Variants in UBE2E3 observed in about 807,000 individuals in gnomAD.
UBE2E3 encodes ubiquitin-conjugating enzyme E2 E3.
Under a neutral mutation model 23.6 loss-of-function variants are expected in UBE2E3, and 5 were observed. That is an observed-to-expected ratio of 0.21 (90% CI 0.11 to 0.44). The LOEUF (loss-of-function observed/expected upper bound fraction) is 0.44, where lower values mean the gene tolerates loss of function less well. Ranked by LOEUF, UBE2E3 falls within the 20% of genes least tolerant of loss-of-function variation. The pLI is 0.99. For missense variants in UBE2E3, 81 were observed against 249.8 expected (o/e 0.32, Z 4.55); for synonymous variants, 78 against 87.5 (o/e 0.89, Z 0.60).
intron 3 of UBE2E3, chr2:180,990,035 A>G (rs1181044516): frequency 2.0e-5 from 30 of 1,464,448 alleles, no homozygotes; most frequent in Non-Finnish European, 2.6e-5. Flanking sequence ...TTTTTTCCAC[A>G]TACCAATTTT....
At chr2:181,030,307 GTATT>G (rs921376009) in intron 3 of UBE2E3, among the ~76,000 whole-genome samples, 11 of 151,586 alleles carry the variant, frequency 7.3e-5, no homozygotes, top group East Asian at 3.9e-4. Context: ...TTTTTCTTTT[GTATT>G]TATTTATTTA....
chr2:181,025,891 A>G (rs1412661964), intron 3 of UBE2E3, among the ~76,000 whole-genome samples: 2 of 152,106 alleles, frequency 1.3e-5, no homozygotes, highest in Admixed American at 6.6e-5. Flanking sequence ...TATGGAAACA[A>G]ATTTTCTAAA....
intron 3 of UBE2E3, chr2:180,990,144 C>G: frequency 1.4e-6 from 1 of 697,646 alleles, no homozygotes; most frequent in East Asian, 2.9e-5. Flanking sequence ...TGGTTCTCAA[C>G]TGAGGCAATT....
At chr2:181,031,760 C>T (rs998052467) in intron 3 of UBE2E3, among the ~76,000 whole-genome samples, 3 of 152,038 alleles carry the variant, frequency 2.0e-5, no homozygotes, top group African/African-American at 4.8e-5. Flanking sequence ...ATTTCTGTAT[C>T]CTTAGTGGTT....
At chr2:180,995,672 T>G (rs1412143929) in intron 3 of UBE2E3, among the ~76,000 whole-genome samples, 1 of 152,116 alleles carries the variant, frequency 6.6e-6, no homozygotes, top group Non-Finnish European at 1.5e-5. Context: ...TTAATATCTT[T>G]CTTCATCCTT....
intron 3 of UBE2E3, among the ~76,000 whole-genome samples, chr2:180,997,977 A>G (rs1336435085): frequency 6.6e-6 from 1 of 152,048 alleles, no homozygotes; most frequent in Non-Finnish European, 1.5e-5. Context: ...TGAACCGGGC[A>G]CTAGGACTGG....
rs1163828062 is a variant in UBE2E3, at chr2:180,989,886, A to G, written c.245+5793A>G. 3.2e-6 allele frequency: 5 copies of G among 1,544,416 alleles called. No homozygotes were observed. The South Asian group carries it at 6.0e-5, about 19-fold the overall frequency. On this transcript the variant is annotated intron_variant, in intron 3 of 5. Coordinates refer to ENST00000410062, the MANE Select transcript of UBE2E3 (RefSeq NM_006357.4). ...ATGGATATGTTTACTTTTCAGGAAA[A>G]TCAGCAAGTCTTGCATAGAGTGTAA...
At chr2:181,016,319 A>G (rs1039964960) in intron 3 of UBE2E3, among the ~76,000 whole-genome samples, 4 of 151,866 alleles carry the variant, frequency 2.6e-5, no homozygotes, top group Non-Finnish European at 5.9e-5. Context: ...GGTTCAAGCG[A>G]TCCTGCTTCC....
intron 3 of UBE2E3, among the ~76,000 whole-genome samples, chr2:181,016,220 A>G (rs914712892): frequency 1.3e-5 from 2 of 151,688 alleles, no homozygotes; most frequent in Non-Finnish European, 2.9e-5. Flanking sequence ...TACCTTCTTT[A>G]TACCTTTTTG....
At chr2:180,989,075 T>G (rs2105571954) in intron 3 of UBE2E3, among the ~76,000 whole-genome samples, 1 of 152,300 alleles carries the variant, frequency 6.6e-6, no homozygotes, top group Admixed American at 6.5e-5. Context: ...TGTTAATAAA[T>G]TCATTTTGGC....
At chr2:181,061,775 CTTT>C (rs58811030) in intron 5 of UBE2E3, among the ~76,000 whole-genome samples, 2 of 144,986 alleles carry the variant, frequency 1.4e-5, no homozygotes. Context: ...GTTATGTGAC[CTTT>C]TTTTTTTTTT....
intron 3 of UBE2E3, among the ~76,000 whole-genome samples, chr2:181,027,150 A>G (rs1446620716): frequency 2.0e-5 from 3 of 151,978 alleles, no homozygotes; most frequent in African/African-American, 7.2e-5. Flanking sequence ...TGTGGTCTAC[A>G]GCCATTTAAA....
chr2:181,021,872 AT>A (rs1403835540), intron 3 of UBE2E3, among the ~76,000 whole-genome samples: 1 of 151,934 alleles, frequency 6.6e-6, no homozygotes, highest in East Asian at 1.9e-4. Context: ...TTCTTAAGTG[AT>A]TTTTAAATGC....
intron 3 of UBE2E3, among the ~76,000 whole-genome samples, chr2:181,024,402 A>G (rs1319720571): frequency 6.6e-6 from 1 of 152,168 alleles, no homozygotes; most frequent in Non-Finnish European, 1.5e-5. Context: ...TCAAAAAGGA[A>G]GGAAAATTCA....
At chr2:181,011,536 C>T (rs947246802) in intron 3 of UBE2E3, among the ~76,000 whole-genome samples, 1 of 152,118 alleles carries the variant, frequency 6.6e-6, no homozygotes, top group Non-Finnish European at 1.5e-5. Context: ...AAGTCCAGTA[C>T]TCTTCCCAGT....
intron 3 of UBE2E3, among the ~76,000 whole-genome samples, chr2:181,041,208 A>T (rs1022043005): frequency 5.3e-4 from 71 of 133,274 alleles, no homozygotes; most frequent in African/African-American, 2.0e-3. Flanking sequence ...AGATCATGCC[A>T]CTAACGACAG....
chr2:181,031,965 T>C (rs1686092575), intron 3 of UBE2E3, among the ~76,000 whole-genome samples: 1 of 152,158 alleles, frequency 6.6e-6, no homozygotes, highest in Non-Finnish European at 1.5e-5. Context: ...ACAAATGCCA[T>C]TTTGGAAATG....
intron 3 of UBE2E3, among the ~76,000 whole-genome samples, chr2:181,054,998 T>C (rs1686948947): frequency 1.3e-5 from 2 of 151,798 alleles, no homozygotes; most frequent in Admixed American, 1.3e-4. Flanking sequence ...CTGTGTCAAA[T>C]GTTGCTGGAC....
chr2:181,013,806 C>T (rs1685402441), intron 3 of UBE2E3, among the ~76,000 whole-genome samples: 1 of 152,144 alleles, frequency 6.6e-6, no homozygotes, highest in Admixed American at 6.6e-5. Flanking sequence ...GAAAGTTCCA[C>T]CCAAATTCAA....
Sources: gnomAD v4.1 joint callset for allele counts (sites outside exome capture counted in the v4.1 genomes callset) on GRCh38, gnomAD v4.1.1 for gene constraint, MANE v1.5 for transcripts, NCBI Gene and HGNC (gene_info 2026-07-23, HGNC 2026-07-21) for gene names.